The following SASH1 variants were observed in gnomAD, a reference collection of about 807,000 sequenced individuals.
The protein encoded by SASH1 is SAM and SH3 domain containing 1, also known as SAM and SH3 domain-containing protein 1.
In SASH1, 44 loss-of-function variants were observed where a neutral mutation model predicts 125.2. That is an observed-to-expected ratio of 0.35 (90% CI 0.28 to 0.45). SASH1 has a LOEUF of 0.45. Among genes scored for constraint, SASH1 ranks in the 20% least tolerant of loss-of-function variants. The probability of loss-of-function intolerance (pLI) is 1.00; values close to 1 mark genes in which losing one functional copy is unlikely to be tolerated. For synonymous variants in SASH1, 639 were observed against 649.1 expected (o/e 0.98, Z 0.24); for missense variants, 1,426 against 1,614.5 (o/e 0.88, Z 2.00).
chr6:148,449,085 T>TTTTTTTTTTC (rs1332270572), intron 4 of SASH1, among the ~76,000 whole-genome samples: 8 of 141,440 alleles, frequency 5.7e-5, no homozygotes, highest in Admixed American at 1.4e-4. Context: ...TTTCTTTTTT[T>TTTTTTTTTTC]TTTTTTTTGG....
the SASH1 span, among the ~76,000 whole-genome samples, chr6:148,251,808 A>G: frequency 6.8e-6 from 1 of 147,526 alleles, no homozygotes; most frequent in Non-Finnish European, 1.5e-5. Context: ...CATTAGGTAT[A>G]TCTCCTAATG....
At position 148,403,305 on chromosome 6, in the gene SASH1, A is replaced by G. The variant is rs540702117; in HGVS notation, c.285+13043A>G. On this transcript the variant is annotated intron_variant, in intron 2 of 19. Transcript: ENST00000367467. ...ATATTTTAAGAGATGGGGTCTCACT[A>G]TGTTGCCTGGTCTGGCCTCGAACTC... is the stretch of plus-strand genomic sequence containing the variant. Among the ~76,000 whole-genome samples the G allele has an allele frequency of 9.2e-5, 14 of 152,006 alleles. No homozygotes were observed. In the East Asian group the frequency reaches 2.3e-3, roughly 25 times the overall value.
At chr6:148,492,431 G>C (rs997709178) in intron 8 of SASH1, among the ~76,000 whole-genome samples, 1 of 152,154 alleles carries the variant, frequency 6.6e-6, no homozygotes, top group African/African-American at 2.4e-5. Flanking sequence ...TTGCTATATA[G>C]CAGGCATTGT....
At chr6:148,339,559 T>C (rs1781264065), upstream of SASH1, among the ~76,000 whole-genome samples, 1 of 151,672 alleles carries the variant, frequency 6.6e-6, no homozygotes, top group Non-Finnish European at 1.5e-5. Context: ...TAAATATCTA[T>C]ATAGATGTAT....
chr6:148,463,660 C>A (rs1377001757), intron 4 of SASH1, among the ~76,000 whole-genome samples: 1 of 152,100 alleles, frequency 6.6e-6, no homozygotes, highest in East Asian at 1.9e-4. Context: ...GTATGCAAGT[C>A]ACTTACAAAT....
intron 1 of SASH1, among the ~76,000 whole-genome samples, chr6:148,304,032 C>A (rs191578581): frequency 1.1e-4 from 17 of 152,180 alleles, no homozygotes; most frequent in African/African-American, 4.1e-4. Flanking sequence ...GGGCCGGGTG[C>A]GATGGCTCAC....
chr6:148,325,534 A>G (rs1780773821), intron 1 of SASH1, among the ~76,000 whole-genome samples: 1 of 152,056 alleles, frequency 6.6e-6, no homozygotes, highest in Non-Finnish European at 1.5e-5. Flanking sequence ...TCAGCCTCCC[A>G]AAGTGCTGAG....
Position 148,543,947 on chromosome 6 carries a change from A to C in SASH1, c.2477A>C (p.Glu826Ala). 1 of 1,614,184 alleles carries C rather than the reference A, an allele frequency of 6.2e-7. No homozygotes were observed. The highest frequency in any genetic ancestry group is 8.5e-7 in the Non-Finnish European group (1 of 1,180,042). The change falls in exon 18 of 20, where the codon GAG becomes GCG. Residue 826 changes from glutamate (E) to alanine (A), a missense_variant. Transcript: ENST00000367467. ...VSICRSCETL[E>A]GPQTVDTWPR... ...ATCTGCCGGAGCTGTGAGACCCTGG[A>C]GGGCCCCCAGACTGTGGACACTTGG...
At chr6:148,225,962 C>T in the SASH1 span, among the ~76,000 whole-genome samples, 586 of 152,286 alleles carry the variant, frequency 3.8e-3, 3 homozygotes, top group Non-Finnish European at 6.8e-3. Context: ...CATTTTTGCT[C>T]TCATTTTATT....
At chr6:148,338,395 A>G (rs1781225761), upstream of SASH1, among the ~76,000 whole-genome samples, 1 of 150,232 alleles carries the variant, frequency 6.7e-6, no homozygotes, top group Admixed American at 6.7e-5. Context: ...CCACTGCACT[A>G]CATCCTGGGC....
chr6:148,228,648 G>A, the SASH1 span, among the ~76,000 whole-genome samples: 1 of 152,156 alleles, frequency 6.6e-6, no homozygotes, highest in Admixed American at 6.5e-5. Flanking sequence ...CAGTTAGCTG[G>A]AGCCATTACC....
At chr6:148,205,332 C>T in the SASH1 span, among the ~76,000 whole-genome samples, 2 of 152,144 alleles carry the variant, frequency 1.3e-5, no homozygotes, top group African/African-American at 4.8e-5. Flanking sequence ...CTGGGCCTTG[C>T]GCTTGGTTGC....
intron 4 of SASH1, among the ~76,000 whole-genome samples, chr6:148,443,143 GAAA>G (rs3035290): frequency 0.27 from 34,459 of 127,688 alleles, 4,384 homozygotes; most frequent in South Asian, 0.36. Flanking sequence ...GCACTTTTTA[GAAA>G]AAAAAAAAAA....
the SASH1 span, among the ~76,000 whole-genome samples, chr6:148,212,614 G>A: frequency 1.3e-5 from 2 of 152,170 alleles, no homozygotes; most frequent in East Asian, 1.9e-4. Context: ...TGGATGATGC[G>A]GGTGGTATTA....
At chr6:148,242,168 G>A in the SASH1 span, among the ~76,000 whole-genome samples, 41 of 152,290 alleles carry the variant, frequency 2.7e-4, 2 homozygotes, top group Admixed American at 2.2e-3. Context: ...CAACTAACAA[G>A]CAAATGGTGA....
intron 2 of SASH1, among the ~76,000 whole-genome samples, chr6:148,415,572 G>A (rs550511399): frequency 1.3e-5 from 2 of 152,186 alleles, no homozygotes; most frequent in African/African-American, 4.8e-5. Flanking sequence ...AAGTAACTTG[G>A]TATGATCATT....
chr6:148,239,503 A>C, the SASH1 span, among the ~76,000 whole-genome samples: 2 of 152,162 alleles, frequency 1.3e-5, no homozygotes, highest in Non-Finnish European at 2.9e-5. Context: ...CTTCATTCTC[A>C]AAATCTGGAC....
At chr6:148,358,356 G>T (rs1173396336) in intron 1 of SASH1, among the ~76,000 whole-genome samples, 1 of 152,188 alleles carries the variant, frequency 6.6e-6, no homozygotes, top group Non-Finnish European at 1.5e-5. Flanking sequence ...TTGCTGGTTG[G>T]CTCAAGAGAA....
chr6:148,529,144 G>A lies in SASH1; in HGVS notation c.1428+1548G>A, dbSNP rs559777763. Among the ~76,000 whole-genome samples, 8 of 152,260 alleles carry A rather than the reference G, an allele frequency of 5.3e-5. 1 individual carries two copies. In the South Asian group the frequency reaches 1.5e-3, roughly 28 times the overall value. ...CAGATGAAGCTTGGCCTGCTCACCC[G>A]CCACTCACCTCCTGCTGTACGGCCC... On this transcript the variant is annotated intron_variant, in intron 12 of 19. Transcript: ENST00000367467. The surrounding 1 kb of genome is among the most constrained non-coding windows in gnomAD (Gnocchi z 4.2).
Sources: allele counts gnomAD v4.1 joint callset (sites outside exome capture counted in the v4.1 genomes callset), GRCh38; gene constraint gnomAD v4.1.1; non-coding constraint Gnocchi (gnomAD v3.1); transcripts MANE v1.5; gene names NCBI Gene and HGNC (gene_info 2026-07-23, HGNC 2026-07-21).